The following GPR143 variants were observed in gnomAD, a reference collection of about 807,000 sequenced individuals.
The protein encoded by GPR143 is G protein-coupled receptor 143.
GPR143 carries 8 observed loss-of-function variants against 27.6 expected under a neutral mutation model. The observed-to-expected ratio is 0.29, with a 90% confidence interval of 0.17 to 0.52. The LOEUF is 0.52. GPR143 is among the 20% of genes least tolerant of loss of function. The probability of loss-of-function intolerance (pLI) is 0.96; values close to 1 mark genes in which losing one functional copy is unlikely to be tolerated. For synonymous variants in GPR143, 156 were observed against 153.2 expected (o/e 1.02, Z -0.13); for missense variants, 303 against 343.1 (o/e 0.88, Z 0.92).
At chrX:9,741,279 T>A in intron 7 of GPR143, 59 bp downstream of exon 7, 1 of 532,063 alleles carries the variant, frequency 1.9e-6, no homozygotes, top group Non-Finnish European at 3.2e-6. Context: ...TGAGACCTTG[T>A]CTCTGAAGCA....
intron 8 of GPR143, among the ~76,000 whole-genome samples, chrX:9,732,355 C>T (rs181467960): frequency 4.7e-4 from 52 of 110,910 alleles, no homozygotes; most frequent in Non-Finnish European, 8.9e-4. Flanking sequence ...AAAGACAGAC[C>T]GGTAAGAAAC....
intron 3 of GPR143, among the ~76,000 whole-genome samples, chrX:9,755,828 CATT>C (rs2083472066): frequency 8.9e-6 from 1 of 111,871 alleles, no homozygotes; most frequent in African/African-American, 3.2e-5. Context: ...TTGTTTAAGT[CATT>C]ATTATTATAT....
At chrX:9,764,910 G>A (rs764637601) in intron 1 of GPR143, among the ~76,000 whole-genome samples, 1 of 108,704 alleles carries the variant, frequency 9.2e-6, no homozygotes, top group African/African-American at 3.4e-5. Flanking sequence ...GCCTCCCCCA[G>A]CTACTCGGGA....
upstream of GPR143, among the ~76,000 whole-genome samples, chrX:9,769,945 A>G (rs1054209537): frequency 1.4e-4 from 15 of 110,541 alleles, no homozygotes; most frequent in Non-Finnish European, 2.6e-4. Flanking sequence ...TGCTTTGAAT[A>G]TTACATTCAT....
intron 3 of GPR143, among the ~76,000 whole-genome samples, chrX:9,757,929 C>G (rs1179672084): frequency 1.8e-5 from 2 of 110,170 alleles, no homozygotes; most frequent in Non-Finnish European, 1.9e-5. Flanking sequence ...GCCTGGCTAT[C>G]TTTTTTTTAT....
At chrX:9,756,731 C>T (rs1291354865) in intron 3 of GPR143, among the ~76,000 whole-genome samples, 14 of 112,289 alleles carry the variant, frequency 1.2e-4, no homozygotes, top group Admixed American at 9.4e-5. Flanking sequence ...CAGATAATAA[C>T]AAGTATTGAC....
upstream of GPR143, among the ~76,000 whole-genome samples, chrX:9,767,135 A>G (rs1388624790): frequency 1.8e-5 from 2 of 109,949 alleles, no homozygotes; most frequent in African/African-American, 6.6e-5. Context: ...TAAGTTTCCA[A>G]GTAATATTGT....
At chrX:9,735,063 G>A (rs912936083) in intron 8 of GPR143, among the ~76,000 whole-genome samples, 22 of 112,534 alleles carry the variant, frequency 2.0e-4, no homozygotes, top group Admixed American at 1.9e-3. Flanking sequence ...CAATGGTGAC[G>A]GGGCGTGGAA....
rs754693386 is a variant in GPR143 at position 9,748,626 on chromosome X, T to C, written c.496A>G (p.Thr166Ala). The C allele has an allele frequency of 9.6e-5, 116 of 1,207,469 alleles. No homozygotes were observed. The highest frequency in any genetic ancestry group is 1.3e-4 in the Non-Finnish European group (112 of 892,700). Residue 166 changes from threonine (T) to alanine (A), a missense_variant, in exon 4 of 9, where the codon ACC (threonine) becomes GCC (alanine). Thr to Ala is a moderately conservative substitution (Grantham distance 58, BLOSUM62 0). Coordinates refer to ENST00000467482, the MANE Select transcript of GPR143 (RefSeq NM_000273.3). ...LYHIMAWGLA[T>A]LLCVEGAAML... ...GCGGCTCCCTCCACACAGAGCAGGG[T>C]GGCCAGGCCCCACGCCATGATGTGA...
chrX:9,746,634 A>T (rs2083429648), intron 4 of GPR143, among the ~76,000 whole-genome samples: 1 of 111,387 alleles, frequency 9.0e-6, no homozygotes, highest in Admixed American at 9.6e-5. Context: ...TTCAGAGGAA[A>T]TGTGTTCTCA....
chrX:9,753,320 T>G (rs1249163766), intron 3 of GPR143, among the ~76,000 whole-genome samples: 3 of 105,866 alleles, frequency 2.8e-5, no homozygotes, highest in Non-Finnish European at 5.8e-5. Flanking sequence ...ATCACACCAC[T>G]GCACTCCAGC....
At chrX:9,764,863 C>T (rs920219790) in intron 1 of GPR143, among the ~76,000 whole-genome samples, 2 of 109,814 alleles carry the variant, frequency 1.8e-5, no homozygotes, top group Non-Finnish European at 3.8e-5. Context: ...TCCGTCTCTA[C>T]TAAAAATACA....
chrX:9,763,814 T>G lies in GPR143; in HGVS notation c.250+1754A>C, dbSNP rs138610094. ...GATGTTGGCAAACTCATTCTTAATA[T>G]TTTTGGCTTTGGGAGCCATACTTTC... is the stretch of plus-strand genomic sequence containing the variant. On this transcript the variant is annotated intron_variant, in intron 1 of 8. Coordinates refer to ENST00000467482, the MANE Select transcript of GPR143 (RefSeq NM_000273.3). Among the ~76,000 whole-genome samples the G allele has an allele frequency of 2.5e-3, 279 of 112,385 alleles. 1 individual carries two copies. Among genetic ancestry groups the G allele is most frequent in the African/African-American group, 8.7e-3 (271 of 31,012 alleles).
intron 1 of GPR143, among the ~76,000 whole-genome samples, chrX:9,771,737 C>A (rs777930781): frequency 2.6e-5 from 2 of 76,662 alleles, no homozygotes; most frequent in South Asian, 1.3e-3. Flanking sequence ...TGGATGGAGT[C>A]TTGCTCTGTT....
intron 8 of GPR143, among the ~76,000 whole-genome samples, chrX:9,732,394 T>C (rs1488663038): frequency 1.8e-5 from 2 of 110,545 alleles, no homozygotes; most frequent in Non-Finnish European, 3.8e-5. Context: ...GAATAGAGAA[T>C]TGTGGGAAAG....
At position 9,759,369 on chromosome X, in the gene GPR143, C is replaced by A. The variant is rs1385133246; in HGVS notation, c.418G>T (p.Asp140Tyr). 8.3e-7 allele frequency: 1 copy of A among 1,199,143 alleles called. No individual in the cohort carries two copies. Among genetic ancestry groups the A allele is most frequent in the African/African-American group, 1.7e-5 (1 of 57,544 alleles). The change falls in exon 3 of 9, where the codon GAT (aspartate) becomes TAT (tyrosine). Residue 140 changes from aspartate to tyrosine, a missense_variant. Asp to Tyr is a radical substitution (Grantham distance 160, BLOSUM62 -3). Coordinates refer to ENST00000467482, the MANE Select transcript of GPR143 (RefSeq NM_000273.3). ...GATCTCCGGATCACCAGATAAGCAT[C>A]CACTGCATAGCAAAACAGCCACCAG... ...CFWWLFCYAV[D>Y]AYLVIRRSAG...
At chrX:9,742,394 G>T (rs1386896987) in intron 6 of GPR143, among the ~76,000 whole-genome samples, 1 of 111,167 alleles carries the variant, frequency 9.0e-6, no homozygotes, top group Non-Finnish European at 1.9e-5. Context: ...TCAGCCTCCC[G>T]AGTAGCTGGG....
chrX:9,753,082 A>G (rs2083458265), intron 3 of GPR143, among the ~76,000 whole-genome samples: 1 of 111,773 alleles, frequency 8.9e-6, no homozygotes, highest in African/African-American at 3.3e-5. Context: ...ATAAACCTTA[A>G]AACTTGAAAA....
chrX:9,726,188 C>T (rs1027053552), intron 8 of GPR143, among the ~76,000 whole-genome samples: 1 of 110,515 alleles, frequency 9.0e-6, no homozygotes, highest in South Asian at 3.9e-4. Context: ...CACGTGCTGT[C>T]TGATGCAGGA....
Sources: allele counts gnomAD v4.1 joint callset (sites outside exome capture counted in the v4.1 genomes callset), GRCh38; gene constraint gnomAD v4.1.1; transcripts MANE v1.5; gene names NCBI Gene and HGNC (gene_info 2026-07-23, HGNC 2026-07-21).